PTPRN2: variants seen among roughly 807,000 people sequenced by gnomAD.
PTPRN2 encodes protein tyrosine phosphatase receptor type N2, also known as receptor-type tyrosine-protein phosphatase N2.
Under a neutral mutation model 118.8 loss-of-function variants are expected in PTPRN2, and 74 were observed. The ratio of observed to expected loss-of-function variants is 0.62; its 90% CI spans 0.52 to 0.76. The LOEUF is 0.76. PTPRN2 is among the 30% of genes least tolerant of loss of function. The pLI, the probability that PTPRN2 is intolerant of heterozygous loss-of-function variation, is 0.00. For missense variants in PTPRN2, 1,481 were observed against 1,394.4 expected (o/e 1.06, Z -0.99); for synonymous variants, 641 against 608.0 (o/e 1.05, Z -0.80).
intron 12 of PTPRN2, among the ~76,000 whole-genome samples, chr7:157,879,439 T>C (rs1414446643): frequency 6.6e-6 from 1 of 152,244 alleles, no homozygotes; most frequent in Non-Finnish European, 1.5e-5. Context: ...AGCAACGTCC[T>C]GCAGCTCCCA....
At chr7:158,520,185 C>A (rs2129447667) in intron 1 of PTPRN2, among the ~76,000 whole-genome samples, 1 of 152,312 alleles carries the variant, frequency 6.6e-6, no homozygotes, top group Non-Finnish European at 1.5e-5. Flanking sequence ...GGAGCCCTGA[C>A]ACGGAGGCAG....
Position 157,668,415 on chromosome 7 carries a change from C to T in PTPRN2, c.2002-11864G>A, listed in dbSNP as rs191555575. Among the ~76,000 whole-genome samples the T allele has an allele frequency of 9.2e-5, 14 of 152,344 alleles. No individual in the cohort carries two copies. In the South Asian group the frequency reaches 1.0e-3, roughly 11 times the overall value. The stretch of plus-strand genomic sequence containing the variant: ...GCTTCCGGGAGCCAACTGAATGAAG[C>T]CGTGTTGCCCGAGTGTGCGCACAGA... On this transcript the variant is annotated intron_variant, in intron 13 of 22. Coordinates refer to ENST00000389418, the MANE Select transcript of PTPRN2 (RefSeq NM_002847.5).
rs559885484 is a variant in PTPRN2, at chr7:157,880,608, A to G, written c.1788+18065T>C. 2.1e-3 allele frequency among the ~76,000 whole-genome samples: 320 copies of G among 152,336 alleles called. 1 individual carries two copies. Among genetic ancestry groups the G allele is most frequent in the African/African-American group, 7.3e-3 (305 of 41,588 alleles). On this transcript the variant is annotated intron_variant, in intron 12 of 22. Coordinates refer to ENST00000389418, the MANE Select transcript of PTPRN2 (RefSeq NM_002847.5). ...CTCCAGCTCTGAGGGCAGGCAGGCC[A>G]TCTCCACGCTGAGCATCGTTGACGG...
intron 6 of PTPRN2, among the ~76,000 whole-genome samples, chr7:158,151,011 T>C (rs1425080129): frequency 6.1e-5 from 9 of 148,498 alleles, no homozygotes; most frequent in South Asian, 2.1e-4. Flanking sequence ...CTGCCTCCTA[T>C]GCGGGAAGCC....
At chr7:157,756,729 G>A (rs1801802747) in intron 12 of PTPRN2, among the ~76,000 whole-genome samples, 1 of 151,332 alleles carries the variant, frequency 6.6e-6, no homozygotes, top group Non-Finnish European at 1.5e-5. Context: ...CATCAGCAGT[G>A]TCCTTACCTT....
intron 21 of PTPRN2, among the ~76,000 whole-genome samples, chr7:157,555,572 C>T (rs1454435798): frequency 1.3e-5 from 2 of 152,224 alleles, no homozygotes; most frequent in South Asian, 4.1e-4. Context: ...GTCTCCTGAC[C>T]GTCATTCTTC....
chr7:158,187,308 T>A (rs1231080823), intron 5 of PTPRN2, among the ~76,000 whole-genome samples: 1 of 152,246 alleles, frequency 6.6e-6, no homozygotes, highest in Non-Finnish European at 1.5e-5. Context: ...CGCTAGAGTT[T>A]CATTTTTGAT....
At chr7:157,891,809 A>C (rs1007064709) in intron 12 of PTPRN2, among the ~76,000 whole-genome samples, 3 of 152,136 alleles carry the variant, frequency 2.0e-5, no homozygotes, top group Non-Finnish European at 4.4e-5. Flanking sequence ...ACTGCCTTGG[A>C]GCCCCCAGGG....
chr7:158,199,804 C>T (rs1826490903), intron 4 of PTPRN2, among the ~76,000 whole-genome samples: 1 of 116,618 alleles, frequency 8.6e-6, no homozygotes, highest in Admixed American at 8.2e-5. Flanking sequence ...GTGAAGGGCA[C>T]AGGCAGGCAC....
chr7:157,759,151 C>T (rs1441898330), intron 12 of PTPRN2, among the ~76,000 whole-genome samples: 2 of 152,264 alleles, frequency 1.3e-5, no homozygotes, highest in Non-Finnish European at 2.9e-5. Context: ...GGATCTGCCG[C>T]TCCCCCCTTC....
chr7:157,723,459 C>G (rs1413654672), intron 12 of PTPRN2, among the ~76,000 whole-genome samples: 1 of 152,210 alleles, frequency 6.6e-6, no homozygotes, highest in Non-Finnish European at 1.5e-5. Context: ...CACTGTGGCT[C>G]TCGGCCCCGT....
intron 2 of PTPRN2, among the ~76,000 whole-genome samples, chr7:158,448,022 G>A (rs1209666055): frequency 6.6e-6 from 1 of 152,242 alleles, no homozygotes; most frequent in Non-Finnish European, 1.5e-5. Context: ...CGACTCAGCA[G>A]GGCAGCAAGA....
At chr7:158,000,603 G>A (rs1240340385) in intron 11 of PTPRN2, among the ~76,000 whole-genome samples, 1 of 147,222 alleles carries the variant, frequency 6.8e-6, no homozygotes, top group African/African-American at 2.5e-5. Context: ...GGCCGCAGGT[G>A]GGGAGCAGGG....
chr7:158,316,808 G>A lies in PTPRN2; in HGVS notation c.277+11C>T, dbSNP rs751333329. The A allele has an allele frequency of 1.3e-5, 21 of 1,585,238 alleles. No homozygotes were observed. In the Middle Eastern group the frequency reaches 6.8e-4, roughly 51 times the overall value. ...CGGCAGCCGCCGAGCCTCGGCCCACGCCCGCCCTACCTGTGCCGGAAAGCT... is the reference window on the plus strand; with the variant it reads ...CGGCAGCCGCCGAGCCTCGGCCCACACCCGCCCTACCTGTGCCGGAAAGCT... On this transcript the variant is annotated intron_variant, in intron 3 of 22. Transcript: ENST00000389418.
At chr7:158,114,285 C>T (rs1424149841) in intron 9 of PTPRN2, among the ~76,000 whole-genome samples, 3 of 152,176 alleles carry the variant, frequency 2.0e-5, no homozygotes, top group Non-Finnish European at 4.4e-5. Context: ...TCCAGCGTTT[C>T]GGAGTCAGGA....
chr7:158,071,340 G>T (rs1811518301), intron 11 of PTPRN2, among the ~76,000 whole-genome samples: 2 of 129,292 alleles, frequency 1.5e-5, no homozygotes, highest in African/African-American at 5.9e-5. Flanking sequence ...CATGGTGGTG[G>T]AGGTGCTCGT....
chr7:158,550,489 G>A (rs1043780264), intron 1 of PTPRN2, among the ~76,000 whole-genome samples: 11 of 152,364 alleles, frequency 7.2e-5, no homozygotes, highest in East Asian at 1.9e-4. Flanking sequence ...GGCAGGGAGA[G>A]GGGCTTGCAG....
chr7:158,057,778 C>T (rs1008090852), intron 11 of PTPRN2, among the ~76,000 whole-genome samples: 2 of 152,204 alleles, frequency 1.3e-5, no homozygotes, highest in Middle Eastern at 6.3e-3. Context: ...CCTCATCTGC[C>T]CCCATCTGCC....
chr7:158,373,369 AGT>A (rs1810254056), intron 2 of PTPRN2, among the ~76,000 whole-genome samples: 1 of 124,254 alleles, frequency 8.0e-6, no homozygotes, highest in African/African-American at 3.3e-5. Flanking sequence ...ACTGAGTGTG[AGT>A]AACGCTAATT....
Sources: allele counts gnomAD v4.1 joint callset (sites outside exome capture counted in the v4.1 genomes callset), GRCh38; gene constraint gnomAD v4.1.1; transcripts MANE v1.5; gene names NCBI Gene and HGNC (gene_info 2026-07-23, HGNC 2026-07-21).